GRID2: variants seen among roughly 807,000 people sequenced by gnomAD.
GRID2 encodes glutamate ionotropic receptor delta type subunit 2.
A neutral mutation model predicts 114.8 loss-of-function variants in GRID2; 33 were observed. The ratio of observed to expected loss-of-function variants is 0.29; its 90% CI spans 0.22 to 0.38. GRID2 has a LOEUF of 0.38. Among genes scored for constraint, GRID2 ranks in the 10% least tolerant of loss-of-function variants. GRID2 has a pLI of 1.00. For missense variants in GRID2, 1,184 were observed against 1,257.7 expected (o/e 0.94, Z 0.89); for synonymous variants, 505 against 449.9 (o/e 1.12, Z -1.55).
chr4:93,065,541 A>C (rs1443553565), intron 2 of GRID2, among the ~76,000 whole-genome samples: 1 of 151,860 alleles, frequency 6.6e-6, no homozygotes, highest in African/African-American at 2.4e-5. Flanking sequence ...AACAAGTTTG[A>C]TCTCTTTCTG....
At chr4:93,140,056 G>C (rs1292724740) in intron 4 of GRID2, among the ~76,000 whole-genome samples, 1 of 151,522 alleles carries the variant, frequency 6.6e-6, no homozygotes, top group African/African-American at 2.4e-5. Flanking sequence ...ATATGAAACA[G>C]AAGTTACAAA....
chr4:93,060,915 C>T (rs1727728745), intron 2 of GRID2, among the ~76,000 whole-genome samples: 1 of 151,944 alleles, frequency 6.6e-6, no homozygotes, highest in Non-Finnish European at 1.5e-5. Context: ...CCAGACTGGC[C>T]AAAATGGTGA....
At chr4:92,590,098 T>G in intron 1 of GRID2, 33 bp from the exon 2 acceptor site, 3 of 1,482,978 alleles carry the variant, frequency 2.0e-6, no homozygotes, top group Non-Finnish European at 2.8e-6. Flanking sequence ...ATATTTATGT[T>G]ATTATTTAAT....
chr4:93,124,097 A>G (rs1422160012), intron 4 of GRID2, among the ~76,000 whole-genome samples: 3 of 121,868 alleles, frequency 2.5e-5, no homozygotes, highest in Non-Finnish European at 5.0e-5. Flanking sequence ...CCTAAAACTT[A>G]AAGTATAATA....
chr4:93,097,294 A>G (rs1410642655), intron 3 of GRID2, among the ~76,000 whole-genome samples: 3 of 151,954 alleles, frequency 2.0e-5, no homozygotes, highest in African/African-American at 7.2e-5. Flanking sequence ...AAAAAATTAC[A>G]ATATAGAACA....
chr4:93,554,595 C>T lies in GRID2; in HGVS notation c.2193+39184C>T, dbSNP rs140646171. 4.9e-4 allele frequency among the ~76,000 whole-genome samples: 75 copies of T among 152,196 alleles called. 2 individuals carry two copies. In the South Asian group the frequency reaches 0.015, roughly 31 times the overall value. On this transcript the variant is annotated intron_variant, in intron 13 of 15. Coordinates refer to ENST00000282020, the MANE Select transcript of GRID2 (RefSeq NM_001510.4). ...TTATCATTTCTTTGGTACAAACAGA[C>T]ACACATACATATTTTCCAAATTAGA...
intron 8 of GRID2, among the ~76,000 whole-genome samples, chr4:93,243,658 T>C (rs566607685): frequency 1.1e-3 from 174 of 152,238 alleles, no homozygotes; most frequent in African/African-American, 3.6e-3. Flanking sequence ...GTCTTTGCTC[T>C]CTTGGCATTG....
intron 2 of GRID2, chr4:92,885,091 T>G (rs1673582157): frequency 3.1e-6 from 1 of 319,858 alleles, no homozygotes. Flanking sequence ...TTTATTGAAA[T>G]AAAAAAACTG....
At chr4:93,344,641 A>G (rs1231322554) in intron 8 of GRID2, among the ~76,000 whole-genome samples, 3 of 148,098 alleles carry the variant, frequency 2.0e-5, no homozygotes, top group Non-Finnish European at 4.5e-5. Context: ...TATATTGTAT[A>G]TATTTAATAT....
chr4:92,881,711 A>G (rs956921692), intron 2 of GRID2, among the ~76,000 whole-genome samples: 1 of 152,134 alleles, frequency 6.6e-6, no homozygotes. Context: ...CTTTTTAGGT[A>G]TTGTTTTTAT....
intron 13 of GRID2, among the ~76,000 whole-genome samples, chr4:93,626,027 G>C (rs1260814301): frequency 1.3e-5 from 2 of 152,170 alleles, no homozygotes; most frequent in African/African-American, 4.8e-5. Context: ...GTATACTGGA[G>C]GATGTGTAGA....
intron 1 of GRID2, among the ~76,000 whole-genome samples, chr4:92,357,045 A>G (rs1297349985): frequency 2.6e-5 from 4 of 151,818 alleles, no homozygotes; most frequent in Admixed American, 6.6e-5. Context: ...GAATCTGTCT[A>G]TATTAGACAC....
chr4:92,349,173 AGTTAAT>A lies in GRID2; in HGVS notation c.88+44435_88+44440del, dbSNP rs996248296. Among the ~76,000 whole-genome samples the A allele has an allele frequency of 1.2e-4, 18 of 152,204 alleles. No individual in the cohort carries two copies. The South Asian group carries it at 1.9e-3, about 16-fold the overall frequency. On this transcript the variant is annotated intron_variant, in intron 1 of 15. Coordinates refer to ENST00000282020, the MANE Select transcript of GRID2 (RefSeq NM_001510.4). ...CTTTAATCTGAAGTATATTTCAAAA[AGTTAAT>A]GTTAAACAATTTGAAAATGTGAAAC...
At chr4:93,524,823 GTATA>G (rs1300787035) in intron 13 of GRID2, among the ~76,000 whole-genome samples, 1,184 of 59,854 alleles carry the variant, frequency 0.02, 27 homozygotes, top group African/African-American at 0.067. Context: ...ATGTATGTAT[GTATA>G]TATATATATA....
intron 14 of GRID2, among the ~76,000 whole-genome samples, chr4:93,695,551 T>G (rs1428413751): frequency 6.6e-6 from 1 of 152,182 alleles, no homozygotes; most frequent in Non-Finnish European, 1.5e-5. Flanking sequence ...TAGGATAGCT[T>G]GGTACACCCA....
At chr4:93,790,729 A>T (rs2110358411) in intron 1 of GRID2, among the ~76,000 whole-genome samples, 1 of 152,324 alleles carries the variant, frequency 6.6e-6, no homozygotes, top group South Asian at 2.1e-4. Context: ...ACAATGTTAA[A>T]TGTTTTTAGA....
intron 2 of GRID2, among the ~76,000 whole-genome samples, chr4:93,084,633 A>G (rs980824350): frequency 1.3e-5 from 2 of 152,212 alleles, no homozygotes; most frequent in Non-Finnish European, 2.9e-5. Context: ...TGATAATTAC[A>G]AAAGTTTATC....
At chr4:93,802,569 C>T (rs942436879) in intron 1 of GRID2, among the ~76,000 whole-genome samples, 1 of 152,168 alleles carries the variant, frequency 6.6e-6, no homozygotes, top group Non-Finnish European at 1.5e-5. Context: ...TTGTGTAACT[C>T]CTCTATAGTG....
chr4:92,437,101 G>T (rs1478422147), intron 1 of GRID2, among the ~76,000 whole-genome samples: 11 of 152,158 alleles, frequency 7.2e-5, no homozygotes, highest in African/African-American at 2.7e-4. Flanking sequence ...AATTGACTAA[G>T]ATGTTCGTAT....
Sources: allele counts gnomAD v4.1 joint callset (sites outside exome capture counted in the v4.1 genomes callset), GRCh38; gene constraint gnomAD v4.1.1; transcripts MANE v1.5; gene names NCBI Gene and HGNC (gene_info 2026-07-23, HGNC 2026-07-21).